The following GINS1 variants were observed in gnomAD, a reference collection of about 807,000 sequenced individuals.
GINS1 encodes the protein GINS complex subunit 1.
Under a neutral mutation model 34.9 loss-of-function variants are expected in GINS1, and 26 were observed. The observed-to-expected ratio is 0.74, with a 90% confidence interval of 0.55 to 1.03. GINS1 has a LOEUF of 1.03. GINS1 is among the 50% of genes least tolerant of loss of function. The probability of loss-of-function intolerance (pLI) is 0.00; values close to 1 mark genes in which losing one functional copy is unlikely to be tolerated. For synonymous variants in GINS1, 97 were observed against 84.4 expected (o/e 1.15, Z -0.82); for missense variants, 235 against 237.9 (o/e 0.99, Z 0.08).
intron 5 of GINS1, among the ~76,000 whole-genome samples, chr20:25,426,568 C>T (rs2146207650): frequency 6.6e-6 from 1 of 151,872 alleles, no homozygotes; most frequent in South Asian, 2.1e-4. Flanking sequence ...TCTTGTTGCC[C>T]AGGCTGGAGT....
chr20:25,415,014 A>G lies in GINS1; in HGVS notation c.140+1160A>G, dbSNP rs565213538. ...CTTCGTATGTTCCTGTGCGACACCA[A>G]AGGGAGTCAAGTACTGGATCAAAGT... On this transcript the variant is annotated intron_variant, in intron 2 of 6. Coordinates refer to ENST00000262460, the MANE Select transcript of GINS1 (RefSeq NM_021067.5). 1.4e-4 allele frequency among the ~76,000 whole-genome samples: 21 copies of G among 152,308 alleles called. No individual in the cohort carries two copies. The Middle Eastern group carries it at 0.01, about 74-fold the overall frequency.
chr20:25,420,626 A>G (rs528879007), intron 4 of GINS1, among the ~76,000 whole-genome samples: 1 of 152,016 alleles, frequency 6.6e-6, no homozygotes, highest in East Asian at 1.9e-4. Context: ...CTAAAAATAC[A>G]AAGATTAGCT....
At position 25,428,969 on chromosome 20, in the gene GINS1, C is replaced by CTTTTTTTT. The variant is rs77113924; in HGVS notation, c.447+3672_447+3679dup. On this transcript the variant is annotated intron_variant, in intron 5 of 6. Transcript: ENST00000262460. ...GGGTCCTCCACCTTCATTCCTCTCT[C>CTTTTTTTT]TTTTTTTTTTTTTTTTTTTTTTTTT... is the stretch of plus-strand genomic sequence containing the variant. Among the ~76,000 whole-genome samples, 66 of 127,502 alleles carry CTTTTTTTT rather than the reference C, an allele frequency of 5.2e-4. 8 individuals carry two copies. The highest frequency in any genetic ancestry group is 4.2e-3 in the Middle Eastern group (1 of 240). 83.6% of individuals were successfully genotyped at this position (127,502 alleles called of 152,430 possible).
intron 5 of GINS1, among the ~76,000 whole-genome samples, chr20:25,430,820 A>G (rs1480423720): frequency 6.6e-6 from 1 of 152,166 alleles, no homozygotes; most frequent in East Asian, 1.9e-4. Flanking sequence ...GTGAGCCACC[A>G]TGCCTGGCCT....
chr20:25,431,603 C>G (rs1366956792), intron 5 of GINS1, among the ~76,000 whole-genome samples: 3 of 146,368 alleles, frequency 2.0e-5, no homozygotes, highest in Non-Finnish European at 4.5e-5. Flanking sequence ...CAGGATCTCA[C>G]TCTGTTACCC....
At chr20:25,428,969 CTTTTTTTTTTTTTTTTTTTTTTTTTTT>C (rs77113924) in intron 5 of GINS1, among the ~76,000 whole-genome samples, 79,476 of 128,190 alleles carry the variant, frequency 0.62, 22,961 homozygotes, top group Admixed American at 0.71. Context: ...ATTCCTCTCT[CTTTTTTTTTTTTTTTTTTTTTTTTTTT>C]TTTTTTTTTT....
chr20:25,442,321 T>C (rs550095743), intron 6 of GINS1, among the ~76,000 whole-genome samples: 2 of 147,680 alleles, frequency 1.4e-5, no homozygotes, highest in Non-Finnish European at 3.0e-5. Context: ...AAGGAATCTT[T>C]ATCCATCTAT....
At chr20:25,435,497 C>T (rs1038023690) in intron 5 of GINS1, among the ~76,000 whole-genome samples, 2 of 151,968 alleles carry the variant, frequency 1.3e-5, no homozygotes, top group Non-Finnish European at 1.5e-5. Context: ...TGGTGGCTCA[C>T]GCCTGTAATC....
At chr20:25,423,998 C>T (rs762101792) in intron 4 of GINS1, among the ~76,000 whole-genome samples, 34 of 152,162 alleles carry the variant, frequency 2.2e-4, no homozygotes, top group Admixed American at 4.6e-4. Flanking sequence ...GTGTATACTA[C>T]AGGAGGCATG....
intron 5 of GINS1, among the ~76,000 whole-genome samples, chr20:25,433,041 A>T (rs2090436053): frequency 6.6e-6 from 1 of 151,914 alleles, no homozygotes; most frequent in South Asian, 2.1e-4. Context: ...TTTCACTTTC[A>T]ATCTATTAAT....
rs373758588 is a variant in GINS1 at position 25,447,430 on chromosome 20, C to A, written c.*1439C>A. ...TATAGATATCCAGCTGTTTCACTAC[C>A]ATTTTTTGAAAGGACTGCCCTTTGC... On this transcript the variant is annotated 3_prime_UTR_variant, in exon 7 of 7. Transcript: ENST00000262460. 1 of 152,214 alleles carries A rather than the reference C, an allele frequency of 6.6e-6. No individual in the cohort carries two copies. The highest frequency in any genetic ancestry group is 1.9e-4 in the East Asian group (1 of 5,204). The allele number at this position is 152,214 out of a possible 1,614,324, so 9.4% of individuals were successfully genotyped here.
At chr20:25,420,037 G>A (rs2090345374) in intron 4 of GINS1, among the ~76,000 whole-genome samples, 1 of 152,070 alleles carries the variant, frequency 6.6e-6, no homozygotes, top group Admixed American at 6.6e-5. Context: ...TTCATATTGG[G>A]CATTGTTTCT....
intron 6 of GINS1, chr20:25,442,926 C>G (rs2090490729): frequency 6.6e-6 from 1 of 152,016 alleles, no homozygotes; most frequent in Admixed American, 6.6e-5. Context: ...TTATCCTATC[C>G]CAATTTTCTG....
intron 4 of GINS1, among the ~76,000 whole-genome samples, chr20:25,422,702 T>C (rs1367947413): frequency 1.3e-5 from 2 of 152,240 alleles, no homozygotes; most frequent in African/African-American, 2.4e-5. Context: ...TATCCTTTAA[T>C]GATTGATGAC....
chr20:25,415,025 G>A (rs1330598579), intron 2 of GINS1, among the ~76,000 whole-genome samples: 1 of 152,230 alleles, frequency 6.6e-6, no homozygotes, highest in Non-Finnish European at 1.5e-5. Context: ...AGGGAGTCAA[G>A]TACTGGATCA....
intron 4 of GINS1, chr20:25,420,836 G>A (rs1161014621): frequency 7.2e-6 from 7 of 965,592 alleles, no homozygotes; most frequent in Non-Finnish European, 7.4e-6. Context: ...ACATGGTCTC[G>A]TTCTCTTAGT....
At chr20:25,443,987 T>TCTATCTATCTAC (rs1259262986) in intron 6 of GINS1, among the ~76,000 whole-genome samples, 31 of 150,822 alleles carry the variant, frequency 2.1e-4, no homozygotes, top group African/African-American at 7.1e-4. Context: ...CATTTATCTA[T>TCTATCTATCTAC]CTATCTATCT....
chr20:25,432,251 A>G (rs1349031565), intron 5 of GINS1, among the ~76,000 whole-genome samples: 2 of 151,518 alleles, frequency 1.3e-5, no homozygotes, highest in Admixed American at 6.6e-5. Context: ...GCTGCATTCC[A>G]TACATTTTGA....
chr20:25,420,786 AAAAAAAAAAAG>A, intron 4 of GINS1: 1 of 822,180 alleles, frequency 1.2e-6, no homozygotes, highest in African/African-American at 1.9e-5. Context: ...TGTCTCAAAA[AAAAAAAAAAAG>A]AAAAAAAGAA....
Sources: allele counts gnomAD v4.1 joint callset (sites outside exome capture counted in the v4.1 genomes callset), GRCh38; gene constraint gnomAD v4.1.1; transcripts MANE v1.5; gene names NCBI Gene and HGNC (gene_info 2026-07-23, HGNC 2026-07-21).